The following XKR4 variants were observed in gnomAD, a reference collection of about 807,000 sequenced individuals.
XKR4 encodes the protein XK-related protein 4.
In XKR4, 12 loss-of-function variants were observed where a neutral mutation model predicts 53.9. The observed-to-expected ratio is 0.22, with a 90% CI of 0.14 to 0.36. The LOEUF is 0.36. Ranked by LOEUF, XKR4 falls within the 10% of genes least tolerant of loss-of-function variation. The probability of loss-of-function intolerance (pLI) is 1.00; values close to 1 mark genes in which losing one functional copy is unlikely to be tolerated. For synonymous variants in XKR4, 354 were observed against 362.4 expected (o/e 0.98, Z 0.26); for missense variants, 799 against 859.5 (o/e 0.93, Z 0.88).
At chr8:55,256,269 A>AACTTTATTC (rs1818438186) in intron 1 of XKR4, among the ~76,000 whole-genome samples, 1 of 152,194 alleles carries the variant, frequency 6.6e-6, no homozygotes, top group Non-Finnish European at 1.5e-5. Context: ...GAAGAACTTG[A>AACTTTATTC]ACTTTATTCT....
At chr8:55,200,096 G>A (rs938354092) in intron 1 of XKR4, among the ~76,000 whole-genome samples, 42 of 152,258 alleles carry the variant, frequency 2.8e-4, no homozygotes, top group African/African-American at 9.9e-4. Context: ...ACGGAGTCTG[G>A]TTCTGTCACC....
At chr8:55,131,753 CT>C (rs56682340) in intron 1 of XKR4, among the ~76,000 whole-genome samples, 2 of 149,434 alleles carry the variant, frequency 1.3e-5, no homozygotes, top group African/African-American at 2.4e-5. Flanking sequence ...TGTTTCTTTT[CT>C]TTTTTTTTTG....
In XKR4 at chr8:55,339,661, C is replaced by T. The variant is rs533178033; in HGVS notation, c.807-18017C>T. Among the ~76,000 whole-genome samples the T allele has an allele frequency of 5.3e-5, 8 of 152,212 alleles. No homozygotes were observed. In the East Asian group the frequency reaches 5.8e-4, roughly 11 times the overall value. On this transcript the variant is annotated intron_variant, in intron 1 of 2. Coordinates refer to ENST00000327381, the MANE Select transcript of XKR4 (RefSeq NM_052898.2). ...ACTAGGCTTTCATAAAACAGGAGGA[C>T]GTAGGCAGTCCTTCGTTATCTGTGC... is the stretch of plus-strand genomic sequence containing the variant.
chr8:55,289,472 G>T (rs1818950873), intron 1 of XKR4, among the ~76,000 whole-genome samples: 1 of 148,984 alleles, frequency 6.7e-6, no homozygotes, highest in South Asian at 2.1e-4. Flanking sequence ...CCGAGATAGT[G>T]CCATTGCCTT....
In XKR4 at chr8:55,265,368, A is replaced by G. The variant is rs537076233; in HGVS notation, c.807-92310A>G. 8.5e-5 allele frequency among the ~76,000 whole-genome samples: 13 copies of G among 152,338 alleles called. No individual in the cohort carries two copies. In the South Asian group the frequency reaches 1.7e-3, roughly 19 times the overall value. ...GGCTTCATGCCAGCTGAAGGCAACT[A>G]TGAATTATTCCAGAAGGTTAAGATC... is the stretch of plus-strand genomic sequence containing the variant. On this transcript the variant is annotated intron_variant, in intron 1 of 2. Transcript: ENST00000327381.
rs1207181006 is a variant in XKR4 at position 55,537,803 on chromosome 8, A to G, written c.*13576A>G. On this transcript the variant is annotated 3_prime_UTR_variant, in exon 3 of 3. Coordinates refer to ENST00000327381, the MANE Select transcript of XKR4 (RefSeq NM_052898.2). ...CCACAACATCATCACTGTGAGTCCTATCGCAGATGTGTGTACCAGCCCAAT... is the reference window on the plus strand; with the variant it reads ...CCACAACATCATCACTGTGAGTCCTGTCGCAGATGTGTGTACCAGCCCAAT... 6.6e-6 allele frequency: 1 copy of G among 152,220 alleles called. No individual in the cohort carries two copies. The highest frequency in any genetic ancestry group is 1.5e-5 in the Non-Finnish European group (1 of 68,028). 9.4% of individuals were successfully genotyped at this position (152,220 alleles called of 1,614,324 possible).
chr8:55,417,662 A>G (rs909471087), intron 2 of XKR4, among the ~76,000 whole-genome samples: 1 of 152,254 alleles, frequency 6.6e-6, no homozygotes, highest in Non-Finnish European at 1.5e-5. Flanking sequence ...TCCGATTTCA[A>G]TTTAAAAGTG....
At chr8:55,176,716 T>A (rs1480914015) in intron 1 of XKR4, among the ~76,000 whole-genome samples, 1 of 152,154 alleles carries the variant, frequency 6.6e-6, no homozygotes, top group Non-Finnish European at 1.5e-5. Context: ...TACACCTTGG[T>A]ATACTTTTTA....
chr8:55,244,693 C>T (rs1818258695), intron 1 of XKR4, among the ~76,000 whole-genome samples: 1 of 152,106 alleles, frequency 6.6e-6, no homozygotes, highest in African/African-American at 2.4e-5. Flanking sequence ...AGTGTATAAG[C>T]ATTCCCTTTT....
chr8:55,304,171 T>A (rs1338942256), intron 1 of XKR4, among the ~76,000 whole-genome samples: 1 of 152,216 alleles, frequency 6.6e-6, no homozygotes, highest in African/African-American at 2.4e-5. Context: ...CTGCTTTGAA[T>A]GTGTCCCAGA....
chr8:55,459,888 T>C (rs1241943931), intron 2 of XKR4, among the ~76,000 whole-genome samples: 1 of 151,966 alleles, frequency 6.6e-6, no homozygotes, highest in Admixed American at 6.6e-5. Context: ...TAAATATTAA[T>C]AATATTAATG....
intron 2 of XKR4, among the ~76,000 whole-genome samples, chr8:55,520,073 C>G (rs1806777540): frequency 6.6e-6 from 1 of 152,162 alleles, no homozygotes; most frequent in African/African-American, 2.4e-5. Flanking sequence ...CCAGAGAACT[C>G]TAAGAATAAG....
At chr8:55,412,528 G>T (rs369342574) in intron 2 of XKR4, among the ~76,000 whole-genome samples, 2 of 152,108 alleles carry the variant, frequency 1.3e-5, no homozygotes, top group East Asian at 3.9e-4. Flanking sequence ...CCGGCGCTGC[G>T]GTTTGCTTGA....
At chr8:55,352,882 A>C (rs1193208280) in intron 1 of XKR4, among the ~76,000 whole-genome samples, 1 of 152,246 alleles carries the variant, frequency 6.6e-6, no homozygotes, top group Non-Finnish European at 1.5e-5. Context: ...TACCAGATGT[A>C]AGTAGTAAAG....
At chr8:55,449,475 C>G (rs1269221435) in intron 2 of XKR4, 2 of 1,026,856 alleles carry the variant, frequency 1.9e-6, no homozygotes, top group African/African-American at 1.6e-5. Context: ...TCGGTAACGA[C>G]TGGAAGCAGA....
chr8:55,527,013 A>G lies in XKR4; in HGVS notation c.*2786A>G, dbSNP rs1208273835. 6.6e-6 allele frequency: 1 copy of G among 152,214 alleles called. No homozygotes were observed. Among genetic ancestry groups the G allele is most frequent in the Non-Finnish European group, 1.5e-5 (1 of 68,038 alleles). The allele number at this position is 152,214 out of a possible 1,614,324, so 9.4% of individuals were successfully genotyped here. ...GAACATATCCATGATGTGATGAATTACAACCTTTCAAAAGATTACAAGAGC... is the reference window on the plus strand; with the variant it reads ...GAACATATCCATGATGTGATGAATTGCAACCTTTCAAAAGATTACAAGAGC... On this transcript the variant is annotated 3_prime_UTR_variant, in exon 3 of 3. Coordinates refer to ENST00000327381, the MANE Select transcript of XKR4 (RefSeq NM_052898.2).
chr8:55,450,431 G>C (rs1016332765), intron 2 of XKR4: 1 of 573,820 alleles, frequency 1.7e-6, no homozygotes, highest in South Asian at 1.9e-5. Context: ...TTGCTCATCC[G>C]GTCCACACAG....
At chr8:55,366,905 G>A (rs138360556) in intron 2 of XKR4, among the ~76,000 whole-genome samples, 80 of 152,108 alleles carry the variant, frequency 5.3e-4, no homozygotes, top group Non-Finnish European at 9.0e-4. Context: ...ATGGACCCAC[G>A]CCACCACCCA....
chr8:55,359,524 G>T (rs547209161), intron 2 of XKR4, among the ~76,000 whole-genome samples: 1 of 152,306 alleles, frequency 6.6e-6, no homozygotes, highest in South Asian at 2.1e-4. Context: ...CATGAATTTA[G>T]TGCTCATCTC....
Sources: allele counts gnomAD v4.1 joint callset (sites outside exome capture counted in the v4.1 genomes callset), GRCh38; gene constraint gnomAD v4.1.1; transcripts MANE v1.5; gene names NCBI Gene and HGNC (gene_info 2026-07-23, HGNC 2026-07-21).